LRP1B: variants seen among roughly 807,000 people sequenced by gnomAD.
LRP1B encodes low-density lipoprotein receptor-related protein 1B.
LRP1B carries 217 observed loss-of-function variants against 556.6 expected under a neutral mutation model. That is an observed-to-expected ratio of 0.39 (90% CI 0.35 to 0.44). The LOEUF is 0.44. Among genes scored for constraint, LRP1B ranks in the 20% least tolerant of loss-of-function variants. The pLI, the probability that LRP1B is intolerant of heterozygous loss-of-function variation, is 1.00. For synonymous variants in LRP1B, 2,047 were observed against 1,865.8 expected, an observed-to-expected ratio of 1.10 and a Z score of -2.50; for missense variants, 5,053 against 5,620.8, an observed-to-expected ratio of 0.90 and a Z score of 3.23.
At chr2:140,719,537 A>G (rs901920262) in intron 35 of LRP1B, among the ~76,000 whole-genome samples, 1 of 152,080 alleles carries the variant, frequency 6.6e-6, no homozygotes, top group African/African-American at 2.4e-5. Context: ...TCTTGAACAT[A>G]TCTTTGTCAT....
chr2:141,475,458 A>G (rs1682663536), intron 3 of LRP1B, among the ~76,000 whole-genome samples: 1 of 152,134 alleles, frequency 6.6e-6, no homozygotes, highest in Admixed American at 6.5e-5. Flanking sequence ...ACCCACTTTA[A>G]ATGTTAATAA....
intron 10 of LRP1B, among the ~76,000 whole-genome samples, chr2:141,051,282 T>A (rs1332802363): frequency 6.6e-6 from 1 of 152,112 alleles, no homozygotes; most frequent in Non-Finnish European, 1.5e-5. Context: ...ACTGGCTATA[T>A]ACCCAAAGGA....
intron 3 of LRP1B, among the ~76,000 whole-genome samples, chr2:141,402,525 G>A (rs1221725601): frequency 1.3e-5 from 2 of 151,224 alleles, no homozygotes; most frequent in African/African-American, 4.9e-5. Flanking sequence ...TAGTGTTTGA[G>A]GTAAAAAAAA....
chr2:140,763,708 A>G (rs1224819016), intron 35 of LRP1B, among the ~76,000 whole-genome samples: 2 of 152,086 alleles, frequency 1.3e-5, no homozygotes, highest in African/African-American at 4.8e-5. Context: ...GATCTGTGAG[A>G]TATTTCCAGT....
chr2:141,835,755 C>T (rs1432473919), intron 1 of LRP1B, among the ~76,000 whole-genome samples: 1 of 151,434 alleles, frequency 6.6e-6, no homozygotes, highest in Non-Finnish European at 1.5e-5. Context: ...TTTATTAATT[C>T]AAAAACAAAA....
intron 3 of LRP1B, among the ~76,000 whole-genome samples, chr2:141,403,937 T>C (rs1423674992): frequency 6.6e-6 from 1 of 152,136 alleles, no homozygotes; most frequent in Admixed American, 6.5e-5. Flanking sequence ...CATCTGGAAA[T>C]ACAATTCGTT....
Position 140,704,226 on chromosome 2 carries a change from CTT to C in LRP1B, c.6024-1675_6024-1674del, listed in dbSNP as rs1035660353. ...AGACTGCATACAGAAAAATTAAAGA[CTT>C]ATATTTTGTTTATACTCACTGGAGT... On this transcript the variant is annotated intron_variant, in intron 37 of 90. Coordinates refer to ENST00000389484, the MANE Select transcript of LRP1B (RefSeq NM_018557.3). Among the ~76,000 whole-genome samples the C allele has an allele frequency of 7.9e-5, 12 of 152,128 alleles. No individual in the cohort carries two copies. The East Asian group carries it at 1.2e-3, about 15-fold the overall frequency.
intron 1 of LRP1B, among the ~76,000 whole-genome samples, chr2:141,874,222 T>C (rs115712067): frequency 0.014 from 2,157 of 151,180 alleles, 49 homozygotes; most frequent in African/African-American, 0.049. Flanking sequence ...CTGAAAAATA[T>C]ATAAAAATCC....
intron 32 of LRP1B, among the ~76,000 whole-genome samples, chr2:140,788,549 G>C (rs536961055): frequency 6.6e-6 from 1 of 152,260 alleles, no homozygotes; most frequent in Admixed American, 6.5e-5. Flanking sequence ...TGATATTAGA[G>C]TAGGGGCAAT....
At chr2:141,282,665 G>T (rs1685553422) in intron 3 of LRP1B, among the ~76,000 whole-genome samples, 1 of 151,804 alleles carries the variant, frequency 6.6e-6, no homozygotes, top group Non-Finnish European at 1.5e-5. Context: ...CATATGAATG[G>T]TAGTACTAGA....
At chr2:141,505,070 T>C (rs920060379) in intron 2 of LRP1B, among the ~76,000 whole-genome samples, 1 of 151,004 alleles carries the variant, frequency 6.6e-6, no homozygotes, top group African/African-American at 2.4e-5. Flanking sequence ...TATTGCTTTG[T>C]TTGAGAAGAA....
At chr2:141,608,106 C>A (rs1442207555) in intron 2 of LRP1B, among the ~76,000 whole-genome samples, 1 of 151,986 alleles carries the variant, frequency 6.6e-6, no homozygotes. Flanking sequence ...TGCCTGTAAT[C>A]CCAGCTGCTT....
intron 41 of LRP1B, among the ~76,000 whole-genome samples, chr2:140,633,721 T>C (rs1683975740): frequency 6.6e-6 from 1 of 152,130 alleles, no homozygotes; most frequent in Non-Finnish European, 1.5e-5. Context: ...GATAACTAAG[T>C]TGAAATGAAC....
intron 3 of LRP1B, among the ~76,000 whole-genome samples, chr2:141,324,698 T>G (rs1687373821): frequency 6.6e-6 from 1 of 152,088 alleles, no homozygotes; most frequent in African/African-American, 2.4e-5. Flanking sequence ...GAAGCCTGAT[T>G]TTTGAGGATA....
At chr2:142,015,950 C>T (rs565230131) in intron 1 of LRP1B, among the ~76,000 whole-genome samples, 1 of 136,898 alleles carries the variant, frequency 7.3e-6, no homozygotes, top group Non-Finnish European at 1.5e-5. Flanking sequence ...CGAGATCGTG[C>T]CACTGCACTC....
At chr2:141,900,810 C>A (rs1699596374) in intron 1 of LRP1B, among the ~76,000 whole-genome samples, 3 of 151,846 alleles carry the variant, frequency 2.0e-5, no homozygotes, top group Admixed American at 2.0e-4. Context: ...CAAATAATTC[C>A]TTTGTCAATA....
At chr2:140,398,560 C>T (rs1474102) in intron 66 of LRP1B, among the ~76,000 whole-genome samples, 54,621 of 151,652 alleles carry the variant, frequency 0.36, 9,899 homozygotes, top group African/African-American at 0.42. Context: ...AGGGTGTCTT[C>T]CTGTTACCCA....
At chr2:141,633,616 C>T (rs951298237) in intron 2 of LRP1B, among the ~76,000 whole-genome samples, 3 of 151,984 alleles carry the variant, frequency 2.0e-5, no homozygotes, top group African/African-American at 7.2e-5. Flanking sequence ...TTAAAATATA[C>T]ATAAAATTTA....
intron 1 of LRP1B, among the ~76,000 whole-genome samples, chr2:141,853,613 G>A (rs540009728): frequency 3.1e-4 from 47 of 151,764 alleles, no homozygotes; most frequent in Admixed American, 1.6e-3. Flanking sequence ...AATTAAGGGT[G>A]CCAATGCGGT....
Sources: gnomAD v4.1 joint callset for allele counts (sites outside exome capture counted in the v4.1 genomes callset) on GRCh38, gnomAD v4.1.1 for gene constraint, MANE v1.5 for transcripts, NCBI Gene and HGNC (gene_info 2026-07-23, HGNC 2026-07-21) for gene names.